CEP85L: variants seen among roughly 807,000 people sequenced by gnomAD.
CEP85L encodes centrosomal protein of 85 kDa-like.
Under a neutral mutation model 100.3 loss-of-function variants are expected in CEP85L, and 60 were observed. That is an observed-to-expected ratio of 0.60 (90% CI 0.49 to 0.74). CEP85L has a LOEUF of 0.74. CEP85L is among the 30% of genes least tolerant of loss of function. The pLI is 0.00. For missense variants in CEP85L, 973 were observed against 936.2 expected (o/e 1.04, Z -0.51); for synonymous variants, 319 against 322.7 (o/e 0.99, Z 0.12).
chr6:118,552,863 CTG>C (rs1218790063), intron 3 of CEP85L, among the ~76,000 whole-genome samples: 2 of 152,032 alleles, frequency 1.3e-5, no homozygotes, highest in Admixed American at 6.6e-5. Context: ...AGACAGGAGT[CTG>C]GCATTTCTAC....
intron 2 of CEP85L, among the ~76,000 whole-genome samples, chr6:118,595,832 A>G (rs1342426182): frequency 2.0e-5 from 3 of 152,192 alleles, no homozygotes; most frequent in Non-Finnish European, 4.4e-5. Context: ...CAACAAACCA[A>G]ATTAATGCAG....
chr6:118,545,159 A>G (rs1266201780), intron 3 of CEP85L, among the ~76,000 whole-genome samples: 1 of 152,180 alleles, frequency 6.6e-6, no homozygotes, highest in African/African-American at 2.4e-5. Context: ...CATCACTTAT[A>G]TTAACTTCTG....
In CEP85L at chr6:118,671,575, T is replaced by C. The variant is rs925004761; in HGVS notation, c.-27-18767A>G. On this transcript the variant is annotated intron_variant, in intron 1 of 13. Coordinates refer to the CEP85L transcript ENST00000368488. ...TCTGGCGTTTCTCTATTCTGAAATATCTCCAGGTCAGTGTTGTGAATAAAG... is the reference window on the plus strand; with the variant it reads ...TCTGGCGTTTCTCTATTCTGAAATACCTCCAGGTCAGTGTTGTGAATAAAG... Among the ~76,000 whole-genome samples the C allele has an allele frequency of 2.0e-5, 3 of 152,210 alleles. No individual in the cohort carries two copies. In the South Asian group the frequency reaches 6.2e-4, roughly 31 times the overall value.
At chr6:118,549,117 G>A (rs761363086) in intron 3 of CEP85L, among the ~76,000 whole-genome samples, 24 of 151,800 alleles carry the variant, frequency 1.6e-4, no homozygotes, top group Admixed American at 3.9e-4. Context: ...AAAATCTGAC[G>A]TTAGAGAATA....
chr6:118,501,815 A>C, intron 5 of CEP85L: 4 of 957,756 alleles, frequency 4.2e-6, no homozygotes, highest in Non-Finnish European at 6.2e-6. Context: ...TGGCTGAGAG[A>C]GAGAGAGAGA....
chr6:118,499,201 AAGT>A (rs1295069635), intron 5 of CEP85L, among the ~76,000 whole-genome samples: 7 of 152,210 alleles, frequency 4.6e-5, no homozygotes. Context: ...AAATCAGAAA[AAGT>A]AGAGAATATC....
At chr6:118,647,063 T>C (rs1228196548) in intron 1 of CEP85L, 3 of 985,320 alleles carry the variant, frequency 3.0e-6, no homozygotes, top group Non-Finnish European at 3.6e-6. Flanking sequence ...ACATGTTCAG[T>C]TGGGTTTAGG....
intron 5 of CEP85L, among the ~76,000 whole-genome samples, 153 bp downstream of exon 5, chr6:118,511,145 G>A (rs973803911): frequency 4.6e-5 from 7 of 152,214 alleles, no homozygotes; most frequent in African/African-American, 1.7e-4. Flanking sequence ...ATGGAAGGCT[G>A]TAGTTGGACA....
rs975895540 is a variant in CEP85L at position 118,461,615 on chromosome 6, GA to G, written c.*3789del. On this transcript the variant is annotated 3_prime_UTR_variant, in exon 13 of 13. Coordinates refer to ENST00000368491, the MANE Select transcript of CEP85L (RefSeq NM_001042475.3). ...TTATATTTAGCACTTTTTTAAATAA[GA>G]AAAAAAATCCAAAATCTTTCCCATA... 11 of 151,528 alleles carry G rather than the reference GA, an allele frequency of 7.3e-5. No homozygotes were observed. The highest frequency in any genetic ancestry group is 2.0e-4 in the Admixed American group (3 of 15,228). The allele number at this position is 151,528 out of a possible 1,614,324, so 9.4% of individuals were successfully genotyped here.
chr6:118,527,158 C>T (rs139445994), intron 3 of CEP85L, among the ~76,000 whole-genome samples: 148 of 151,912 alleles, frequency 9.7e-4, no homozygotes, highest in African/African-American at 3.5e-3. Context: ...GGCTGTAGAA[C>T]CATGCCCAGC....
intron 2 of CEP85L, among the ~76,000 whole-genome samples, chr6:118,584,472 T>C: frequency 6.6e-6 from 1 of 152,228 alleles, no homozygotes; most frequent in Non-Finnish European, 1.5e-5. Flanking sequence ...CTCAAGGAAC[T>C]AAAACTCATC....
At chr6:118,623,531 T>A (rs1041716341) in intron 2 of CEP85L, among the ~76,000 whole-genome samples, 3 of 152,178 alleles carry the variant, frequency 2.0e-5, no homozygotes, top group Non-Finnish European at 4.4e-5. Context: ...TCACCTTCAC[T>A]GTGCCTGGAG....
intron 3 of CEP85L, among the ~76,000 whole-genome samples, chr6:118,553,943 C>A (rs1454511966): frequency 6.6e-6 from 1 of 152,140 alleles, no homozygotes; most frequent in African/African-American, 2.4e-5. Context: ...GCTTACATGT[C>A]CAACTAACAA....
chr6:118,580,231 C>T (rs1367686028), intron 2 of CEP85L, among the ~76,000 whole-genome samples: 1 of 152,160 alleles, frequency 6.6e-6, no homozygotes, highest in Non-Finnish European at 1.5e-5. Flanking sequence ...AAACTCTCTC[C>T]GCTCCTTAAA....
intron 3 of CEP85L, among the ~76,000 whole-genome samples, chr6:118,526,744 C>T (rs1582980280): frequency 6.6e-6 from 1 of 152,172 alleles, no homozygotes; most frequent in African/African-American, 2.4e-5. Flanking sequence ...AATCATAATA[C>T]ATTAGAATAC....
chr6:118,633,945 G>C (rs558187855), intron 1 of CEP85L, among the ~76,000 whole-genome samples: 20 of 152,282 alleles, frequency 1.3e-4, no homozygotes, highest in African/African-American at 4.8e-4. Flanking sequence ...GCACATTACA[G>C]ATTATCTGAA....
chr6:118,677,740 T>C (rs542804630), intron 1 of CEP85L, among the ~76,000 whole-genome samples: 85 of 152,324 alleles, frequency 5.6e-4, no homozygotes, highest in Middle Eastern at 3.4e-3. Flanking sequence ...TGTATCCCTT[T>C]CCCCAAGCCA....
chr6:118,549,613 T>C (rs1458183762), intron 3 of CEP85L, among the ~76,000 whole-genome samples: 1 of 151,852 alleles, frequency 6.6e-6, no homozygotes, highest in East Asian at 1.9e-4. Context: ...ATAATTTTTG[T>C]CTACCACTGA....
chr6:118,526,354 GT>G (rs1307804719), intron 3 of CEP85L, among the ~76,000 whole-genome samples: 1 of 152,078 alleles, frequency 6.6e-6, no homozygotes, highest in East Asian at 1.9e-4. Flanking sequence ...AAATAACACA[GT>G]TACTCCCCAG....
Sources: gnomAD v4.1 joint callset for allele counts (sites outside exome capture counted in the v4.1 genomes callset) on GRCh38, gnomAD v4.1.1 for gene constraint, MANE v1.5 for transcripts, NCBI Gene and HGNC (gene_info 2026-07-23, HGNC 2026-07-21) for gene names.